The following GPR12 variants were observed in gnomAD, a reference collection of about 807,000 sequenced individuals.
GPR12 encodes the protein G-protein coupled receptor 12.
GPR12 carries 7 observed loss-of-function variants against 18.9 expected under a neutral mutation model. That is an observed-to-expected ratio of 0.37 (90% CI 0.21 to 0.70). GPR12 has a LOEUF of 0.70. Ranked by LOEUF, GPR12 falls within the 30% of genes least tolerant of loss-of-function variation. GPR12 has a pLI of 0.54. For synonymous variants in GPR12, 201 were observed against 188.6 expected (o/e 1.07, Z -0.54); for missense variants, 327 against 427.7 (o/e 0.76, Z 2.08).
chr13:26,759,458 A>G lies in GPR12; in HGVS notation c.370T>C (p.Phe124Leu), dbSNP rs1884439605. The G allele has an allele frequency of 2.9e-5, 47 of 1,614,168 alleles. No homozygotes were observed. Among genetic ancestry groups the G allele is most frequent in the Non-Finnish European group, 3.8e-5 (45 of 1,180,018 alleles). ...AGCAAGCTGCAGACAGAGGCAGAGA[A>G]AGAGGCGACAATGAGGCCGATCGTG... ...LVTIGLIVASFSASVCSLLAI... is the reference protein window; with the variant it reads ...LVTIGLIVASLSASVCSLLAI... The change falls in exon 2 of 2, where the codon TTC becomes CTC. Residue 124 changes from phenylalanine (F) to leucine (L), a missense_variant. By Grantham distance (22) the Phe-to-Leu change is conservative. Transcript: ENST00000405846.
Position 26,760,585 on chromosome 13 carries a change from T to A in GPR12, c.-22A>T, listed in dbSNP as rs1277775199. 2 of 149,792 alleles carry A rather than the reference T, an allele frequency of 1.3e-5. No homozygotes were observed. The highest frequency in any genetic ancestry group is 4.0e-4 in the East Asian group (2 of 4,952). The allele number at this position is 149,792 out of a possible 1,614,324, so 9.3% of individuals were successfully genotyped here. A position where few individuals can be genotyped will look rare whatever the true frequency, so the allele number is the denominator to read the frequency against. On this transcript the variant is annotated 5_prime_UTR_variant, in exon 1 of 2. Coordinates refer to ENST00000405846, the MANE Select transcript of GPR12 (RefSeq NM_005288.4). ...GGGTCATCGAGGGGGTCACCTTGGC[T>A]CGCCCAGGCCGAGGGGGCTCCTCCG... is the stretch of plus-strand genomic sequence containing the variant.
chr13:26,759,023 G>C lies in GPR12; in HGVS notation c.805C>G (p.Leu269Val). Residue 269 changes from leucine (L) to valine (V), a missense_variant, in exon 2 of 2, where the codon CTC becomes GTC. Physicochemically the swap from Leu to Val is conservative, Grantham distance 32. Transcript: ENST00000405846. ...GTGTAATCCGCTATCAAGGAATAGAGGGTGAAAGGCATCCAGCAAGCAGCA... is the reference window on the plus strand; with the variant it reads ...GTGTAATCCGCTATCAAGGAATAGACGGTGAAAGGCATCCAGCAAGCAGCA... ...TFAACWMPFT[L>V]YSLIADYTYP... 6.2e-7 allele frequency: 1 copy of C among 1,614,096 alleles called. No homozygotes were observed. The highest frequency in any genetic ancestry group is 8.5e-7 in the Non-Finnish European group (1 of 1,180,026).
rs2137577305 is a variant in GPR12, at chr13:26,757,468, C to A, written c.*1355G>T. 1 of 152,220 alleles carries A rather than the reference C, an allele frequency of 6.6e-6. No homozygotes were observed. The highest frequency in any genetic ancestry group is 1.9e-4 in the East Asian group (1 of 5,204). 9.4% of individuals were successfully genotyped at this position (152,220 alleles called of 1,614,324 possible). ...AACAGAAAAGAAACCTGAGACACAT[C>A]GATTTTACAATGTGTTTAAAGTGAA... On this transcript the variant is annotated 3_prime_UTR_variant, in exon 2 of 2. Coordinates refer to ENST00000405846, the MANE Select transcript of GPR12 (RefSeq NM_005288.4).
rs1884400769 is a variant in GPR12 at position 26,757,666 on chromosome 13, T to C, written c.*1157A>G. On this transcript the variant is annotated 3_prime_UTR_variant, in exon 2 of 2. Coordinates refer to ENST00000405846, the MANE Select transcript of GPR12 (RefSeq NM_005288.4). ...GACCTTACAGGATATAGCTGGTATA[T>C]GTCACAGTCATAGATGGACGCTGTG... 6.6e-6 allele frequency: 1 copy of C among 152,258 alleles called. No homozygotes were observed. The allele number at this position is 152,258 out of a possible 1,614,324, so 9.4% of individuals were successfully genotyped here.
rs369283499 is a variant in GPR12, at chr13:26,759,750, C to T, written c.78G>A (p.Ser26=). The T allele has an allele frequency of 1.7e-5, 28 of 1,612,386 alleles. No homozygotes were observed. In the African/African-American group the frequency reaches 2.0e-4, roughly 12 times the overall value. ...YLDAAAAENI[S]AAVSSRVPAV... ...CAGGAACCCGGGAGGAGACAGCAGC[C>T]GAGATGTTCTCCGCAGCAGCGGCAT... The change falls in exon 2 of 2, where the codon TCG becomes TCA. Residue 26 remains serine (S), a synonymous_variant. Transcript: ENST00000405846.
rs11619858 is a variant in GPR12, at chr13:26,760,673, G to T, written c.-110C>A. Reference sequence around the variant, plus strand: ...CGGCGCAGTTGCCCGCTGTGGCAAGGGGGGGGCGGCCGGGCTCCGGAGCGG... The same window carrying T: ...CGGCGCAGTTGCCCGCTGTGGCAAGTGGGGGGCGGCCGGGCTCCGGAGCGG... On this transcript the variant is annotated 5_prime_UTR_variant, in exon 1 of 2. Coordinates refer to ENST00000405846, the MANE Select transcript of GPR12 (RefSeq NM_005288.4). 1.4e-3 allele frequency: 210 copies of T among 150,570 alleles called. 2 individuals carry two copies. Among genetic ancestry groups the T allele is most frequent in the African/African-American group, 4.6e-3 (191 of 41,180 alleles). 9.3% of individuals were successfully genotyped at this position (150,570 alleles called of 1,614,324 possible).
chr13:26,759,764 C>T lies in GPR12; in HGVS notation c.64G>A (p.Ala22Thr). The T allele has an allele frequency of 6.2e-7, 1 of 1,610,068 alleles. No homozygotes were observed. The highest frequency in any genetic ancestry group is 8.5e-7 in the Non-Finnish European group (1 of 1,176,854). ...LPRDYLDAAA[A>T]ENISAAVSSR... ...GAGACAGCAGCCGAGATGTTCTCCG[C>T]AGCAGCGGCATCTAAATAATCCCGA... Residue 22 changes from alanine to threonine, a missense_variant, in exon 2 of 2, where the codon GCG becomes ACG. Physicochemically the swap from Ala to Thr is moderately conservative, Grantham distance 58. Coordinates refer to ENST00000405846, the MANE Select transcript of GPR12 (RefSeq NM_005288.4).
chr13:26,759,264 G>A lies in GPR12; in HGVS notation c.564C>T (p.Cys188=). 6.2e-7 allele frequency: 1 copy of A among 1,613,170 alleles called. No homozygotes were observed. Among genetic ancestry groups the A allele is most frequent in the Non-Finnish European group, 8.5e-7 (1 of 1,179,954 alleles). ...GWNCLRDEST[C]SVVRPLTKNN... ...TCTTGGTGAGCGGTCTGACCACGCT[G>A]CAGGTGGACTCGTCTCGGAGGCAGT... The change falls in exon 2 of 2, where the codon TGC becomes TGT. Residue 188 remains cysteine (C), a synonymous_variant. Coordinates refer to ENST00000405846, the MANE Select transcript of GPR12 (RefSeq NM_005288.4).
chr13:26,760,772 G>T lies in GPR12; in HGVS notation c.-209C>A, dbSNP rs990006714. 6.8e-6 allele frequency: 1 copy of T among 146,194 alleles called. No individual in the cohort carries two copies. The highest frequency in any genetic ancestry group is 2.5e-5 in the African/African-American group (1 of 40,666). The allele number at this position is 146,194 out of a possible 1,614,324, so 9.1% of individuals were successfully genotyped here. A position where few individuals can be genotyped will look rare whatever the true frequency, so the allele number is the denominator to read the frequency against. On this transcript the variant is annotated 5_prime_UTR_variant, in exon 1 of 2. Coordinates refer to ENST00000405846, the MANE Select transcript of GPR12 (RefSeq NM_005288.4). ...TGCAGGTGAGCAGCAGCCTCGGCTC[G>T]CGCGCCCAGCTTTCCCCGCCGCGCC...
At position 26,755,999 on chromosome 13, in the gene GPR12, A is replaced by G. The variant is rs1206954043; in HGVS notation, c.*2824T>C. On this transcript the variant is annotated 3_prime_UTR_variant, in exon 2 of 2. Coordinates refer to ENST00000405846, the MANE Select transcript of GPR12 (RefSeq NM_005288.4). The stretch of plus-strand genomic sequence containing the variant: ...TGTACATTGAGATGTGTGCACATTT[A>G]AAAATAATTAGCTCCACAGGAAAAA... 6.6e-6 allele frequency: 1 copy of G among 152,228 alleles called. No individual in the cohort carries two copies. Among genetic ancestry groups the G allele is most frequent in the Admixed American group, 6.5e-5 (1 of 15,278 alleles). The allele number at this position is 152,228 out of a possible 1,614,324, so 9.4% of individuals were successfully genotyped here.
intron 1 of GPR12, chr13:26,760,263 C>G (rs1453972313): frequency 5.7e-6 from 1 of 174,930 alleles, no homozygotes; most frequent in Non-Finnish European, 1.4e-5. Context: ...CCGCCATCCT[C>G]GATGGAATAT....
chr13:26,759,736 G>A lies in GPR12; in HGVS notation c.92C>T (p.Ser31Phe), dbSNP rs1220697293. The A allele has an allele frequency of 2.5e-6, 4 of 1,613,336 alleles. No individual in the cohort carries two copies. The highest frequency in any genetic ancestry group is 1.1e-5 in the South Asian group (1 of 91,068). The change falls in exon 2 of 2, where the codon TCC becomes TTC. Residue 31 changes from serine (S) to phenylalanine (F), a missense_variant. Physicochemically the swap from Ser to Phe is radical, Grantham distance 155 (BLOSUM62 -2). Transcript: ENST00000405846. ...AAENISAAVS[S>F]RVPAVEPEPE... ...CTCTGGCTCTACGGCAGGAACCCGG[G>A]AGGAGACAGCAGCCGAGATGTTCTC... is the stretch of plus-strand genomic sequence containing the variant.
Position 26,760,596 on chromosome 13 carries a change from GA to G in GPR12, c.-34del, listed in dbSNP as rs1342761224. 1 of 151,460 alleles carries G rather than the reference GA, an allele frequency of 6.6e-6. No homozygotes were observed. The highest frequency in any genetic ancestry group is 1.5e-5 in the Non-Finnish European group (1 of 67,794). 9.4% of individuals were successfully genotyped at this position (151,460 alleles called of 1,614,324 possible). ...GGGGTCACCTTGGCTCGCCCAGGCC[GA>G]GGGGGCTCCTCCGGTGCTTCCGAAG... On this transcript the variant is annotated 5_prime_UTR_variant, in exon 1 of 2. Coordinates refer to ENST00000405846, the MANE Select transcript of GPR12 (RefSeq NM_005288.4).
chr13:26,759,337 A>G lies in GPR12; in HGVS notation c.491T>C (p.Leu164Pro), dbSNP rs1270175264. Reference sequence around the variant, plus strand: ...CCCCAGGCAGATGGAGGTCCCCCAGAGCATGACGAGCATGACATAGGTAAA... The same window carrying G: ...CCCCAGGCAGATGGAGGTCCCCCAGGGCATGACGAGCATGACATAGGTAAA... ...VTFTYVMLVMLWGTSICLGLL... is the reference protein window; with the variant it reads ...VTFTYVMLVMPWGTSICLGLL... Residue 164 changes from leucine (L) to proline (P), a missense_variant, in exon 2 of 2, where the codon CTC (leucine) becomes CCC (proline). Physicochemically the swap from Leu to Pro is moderately conservative, Grantham distance 98. Coordinates refer to ENST00000405846, the MANE Select transcript of GPR12 (RefSeq NM_005288.4). 2 of 1,613,458 alleles carry G rather than the reference A, an allele frequency of 1.2e-6. No individual in the cohort carries two copies. The highest frequency in any genetic ancestry group is 1.7e-6 in the Non-Finnish European group (2 of 1,180,004).
At position 26,758,684 on chromosome 13, in the gene GPR12, T is replaced by A. The variant is rs759172517; in HGVS notation, c.*139A>T. 7.5e-5 allele frequency: 94 copies of A among 1,246,150 alleles called. No homozygotes were observed. Among genetic ancestry groups the A allele is most frequent in the Non-Finnish European group, 9.8e-5 (90 of 921,622 alleles). 77.2% of individuals were successfully genotyped at this position (1,246,150 alleles called of 1,614,324 possible). A position where few individuals can be genotyped will look rare whatever the true frequency, so the allele number is the denominator to read the frequency against. On this transcript the variant is annotated 3_prime_UTR_variant, in exon 2 of 2. Transcript: ENST00000405846. The stretch of plus-strand genomic sequence containing the variant: ...TCAATCACTTAACTCATCTGAACGA[T>A]GTCATTGTTTCACGAATGCTAAGTG...
Position 26,755,550 on chromosome 13 carries a change from C to T in GPR12, c.*3273G>A, listed in dbSNP as rs1884359294. The T allele has an allele frequency of 6.6e-6, 1 of 152,170 alleles. No homozygotes were observed. Among genetic ancestry groups the T allele is most frequent in the Non-Finnish European group, 1.5e-5 (1 of 68,032 alleles). 9.4% of individuals were successfully genotyped at this position (152,170 alleles called of 1,614,324 possible). A position where few individuals can be genotyped will look rare whatever the true frequency, so the allele number is the denominator to read the frequency against. ...TAAGACTATTTCTGCATGGCCAAGT[C>T]AACCAAGGAATCCACTCCTCCTGAA... On this transcript the variant is annotated 3_prime_UTR_variant, in exon 2 of 2. Coordinates refer to ENST00000405846, the MANE Select transcript of GPR12 (RefSeq NM_005288.4).
chr13:26,757,049 A>G lies in GPR12; in HGVS notation c.*1774T>C, dbSNP rs1032939478. On this transcript the variant is annotated 3_prime_UTR_variant, in exon 2 of 2. Transcript: ENST00000405846. ...TAAAGGCATCAGTTTTATTAGATTG[A>G]TCATACAGTGGTATGTATTGAAAAT... 4.6e-5 allele frequency: 7 copies of G among 152,212 alleles called. No individual in the cohort carries two copies. Among genetic ancestry groups the G allele is most frequent in the Non-Finnish European group, 7.3e-5 (5 of 68,044 alleles). The allele number at this position is 152,212 out of a possible 1,614,324, so 9.4% of individuals were successfully genotyped here. A position where few individuals can be genotyped will look rare whatever the true frequency, so the allele number is the denominator to read the frequency against.
Position 26,759,363 on chromosome 13 carries a change from C to A in GPR12, c.465G>T (p.Thr155=), listed in dbSNP as rs761495152. 2.5e-6 allele frequency: 4 copies of A among 1,613,642 alleles called. No homozygotes were observed. Among genetic ancestry groups the A allele is most frequent in the African/African-American group, 2.7e-5 (2 of 74,868 alleles). ...GCATGACGAGCATGACATAGGTAAA[C>A]GTGACCGTCCTCTCCGAATGGTACG... The part of the protein sequence containing the change: ...ALTYHSERTV[T]FTYVMLVMLW... The change falls in exon 2 of 2, where the codon ACG becomes ACT. Residue 155 remains threonine, a synonymous_variant. Coordinates refer to ENST00000405846, the MANE Select transcript of GPR12 (RefSeq NM_005288.4).
chr13:26,758,717 G>A lies in GPR12; in HGVS notation c.*106C>T. The A allele has an allele frequency of 6.9e-7, 1 of 1,455,176 alleles. No individual in the cohort carries two copies. Among genetic ancestry groups the A allele is most frequent in the Non-Finnish European group, 9.1e-7 (1 of 1,097,382 alleles). 90.1% of individuals were successfully genotyped at this position (1,455,176 alleles called of 1,614,324 possible). On this transcript the variant is annotated 3_prime_UTR_variant, in exon 2 of 2. Coordinates refer to ENST00000405846, the MANE Select transcript of GPR12 (RefSeq NM_005288.4). ...TTTCACGAATGCTAAGTGCTCCTGT[G>A]GCTTGAGAGGGAATCCAATGCAAGG...
Sources: allele counts gnomAD v4.1 joint callset, GRCh38; gene constraint gnomAD v4.1.1; transcripts MANE v1.5; gene names NCBI Gene and HGNC (gene_info 2026-07-23, HGNC 2026-07-21).